AP1AR: variants seen among roughly 807,000 people sequenced by gnomAD.
The protein encoded by AP1AR is adaptor related protein complex 1 associated regulatory protein, also known as AP-1 complex-associated regulatory protein.
A neutral mutation model predicts 46.3 loss-of-function variants in AP1AR; 29 were observed. The ratio of observed to expected loss-of-function variants is 0.63; its 90% confidence interval spans 0.47 to 0.85. AP1AR has a LOEUF of 0.85. Ranked by LOEUF, AP1AR falls within the 40% of genes least tolerant of loss-of-function variation. The pLI, the probability that AP1AR is intolerant of heterozygous loss-of-function variation, is 0.00. For missense variants in AP1AR, 357 were observed against 356.3 expected (o/e 1.00, Z -0.02); for synonymous variants, 122 against 122.9 (o/e 0.99, Z 0.05).
At chr4:112,265,591 T>C in intron 7 of AP1AR, 143 bp from the exon 8 acceptor site, 7 of 572,006 alleles carry the variant, frequency 1.2e-5, no homozygotes, top group Admixed American at 3.7e-5. Context: ...TAAGAACTAT[T>C]TTCATTAGGT....
rs1726264844 is a variant in AP1AR at position 112,257,781 on chromosome 4, C to T, written c.169C>T (p.Pro57Ser). The T allele has an allele frequency of 6.4e-7, 1 of 1,562,714 alleles. No individual in the cohort carries two copies. The highest frequency in any genetic ancestry group is 8.6e-7 in the Non-Finnish European group (1 of 1,158,606). ...ATTAATTTTTGTACAGGGGGAGAGC[C>T]CAGGAAGCAGTCATAGGTAAGGCTT... ...NLVESDEGES[P>S]GSSHRPLTEE... Residue 57 changes from proline to serine, a missense_variant, in exon 4 of 10, where the codon CCA becomes TCA. Transcript: ENST00000274000.
intron 2 of AP1AR, among the ~76,000 whole-genome samples, chr4:112,253,510 C>T (rs566664918): frequency 6.6e-6 from 1 of 152,296 alleles, no homozygotes; most frequent in Admixed American, 6.5e-5. Flanking sequence ...AGAAGGTACT[C>T]TTCTGTCAGT....
chr4:112,265,702 T>C, intron 7 of AP1AR, 32 bp from the exon 8 acceptor site: 1 of 1,527,672 alleles, frequency 6.5e-7, no homozygotes, highest in East Asian at 2.3e-5. Context: ...CTACCATGAA[T>C]ATATTAAAAA....
In AP1AR at chr4:112,266,592, C is replaced by G; in HGVS notation, c.519C>G (p.Leu173=). ...SQYEVFRSSR[L]SSDATVLTPN... is the part of the protein sequence containing the mutation. The stretch of plus-strand genomic sequence containing the variant: ...TGTATTTCGTGTATATTCTAGGACT[C>G]TCATCAGATGCTACAGTTTTGACAC... The change falls in exon 9 of 10, where the codon CTC becomes CTG. Residue 173 remains leucine, a synonymous_variant. Coordinates refer to ENST00000274000, the MANE Select transcript of AP1AR (RefSeq NM_018569.6). 6.2e-7 allele frequency: 1 copy of G among 1,609,372 alleles called. No homozygotes were observed. Among genetic ancestry groups the G allele is most frequent in the Non-Finnish European group, 8.5e-7 (1 of 1,177,156 alleles).
At position 112,272,269 on chromosome 4, in the gene AP1AR, G is replaced by A. The variant is rs367718082; in HGVS notation, c.*3860G>A. ...AGGGCAGGACAGCGCCACAAAGACT[G>A]TGAGGGCTGGTGACAGGGAAGGGAA... is the stretch of plus-strand genomic sequence containing the variant. On this transcript the variant is annotated 3_prime_UTR_variant, in exon 10 of 10. Transcript: ENST00000274000. Among the ~76,000 whole-genome samples, 109 of 152,278 alleles carry A rather than the reference G, an allele frequency of 7.2e-4. No homozygotes were observed. Among genetic ancestry groups the A allele is most frequent in the African/African-American group, 2.5e-3 (104 of 41,562 alleles).
At chr4:112,237,852 C>T (rs1381652978) in intron 1 of AP1AR, among the ~76,000 whole-genome samples, 1 of 152,068 alleles carries the variant, frequency 6.6e-6, no homozygotes, top group Non-Finnish European at 1.5e-5. Context: ...CGCTCCAAGC[C>T]CCTGAAACCA....
At chr4:112,254,926 C>T in intron 3 of AP1AR, 153 bp downstream of exon 3, 2 of 404,168 alleles carry the variant, frequency 4.9e-6, no homozygotes. Context: ...TTTATTATTT[C>T]CTTCTTTTAC....
chr4:112,260,352 G>A (rs936268782), intron 4 of AP1AR, among the ~76,000 whole-genome samples: 2 of 152,138 alleles, frequency 1.3e-5, no homozygotes, highest in Non-Finnish European at 2.9e-5. Context: ...AAAATAGGAG[G>A]ATTAAGAAGA....
At chr4:112,242,492 A>G (rs1483344171) in intron 1 of AP1AR, among the ~76,000 whole-genome samples, 5 of 152,096 alleles carry the variant, frequency 3.3e-5, no homozygotes, top group Admixed American at 6.6e-5. Flanking sequence ...TGATGTCTGG[A>G]AAAGTTCAAG....
chr4:112,234,401 G>A (rs1725153983), intron 1 of AP1AR, among the ~76,000 whole-genome samples: 1 of 152,096 alleles, frequency 6.6e-6, no homozygotes, highest in South Asian at 2.1e-4. Flanking sequence ...ACTGTTTGTG[G>A]GCAAAGCTCT....
intron 1 of AP1AR, among the ~76,000 whole-genome samples, chr4:112,250,107 A>G (rs1725891729): frequency 6.6e-6 from 1 of 152,208 alleles, no homozygotes; most frequent in Non-Finnish European, 1.5e-5. Flanking sequence ...GAGTACTTCC[A>G]TTCCTTTCCC....
intron 1 of AP1AR, among the ~76,000 whole-genome samples, chr4:112,240,002 A>T (rs1434007582): frequency 6.6e-6 from 1 of 152,222 alleles, no homozygotes; most frequent in Non-Finnish European, 1.5e-5. Context: ...AATCGAAGTG[A>T]TCTTAAATGC....
rs947727807 is a variant in AP1AR, at chr4:112,271,195, G to A, written c.*2786G>A. Among the ~76,000 whole-genome samples the A allele has an allele frequency of 2.0e-5, 3 of 152,166 alleles. No homozygotes were observed. Among genetic ancestry groups the A allele is most frequent in the African/African-American group, 2.4e-5 (1 of 41,452 alleles). ...GACACAGGTCTTGGTAGAAAACATC[G>A]TGATCCTCTCTGGATCCTCCATGGC... On this transcript the variant is annotated 3_prime_UTR_variant, in exon 10 of 10. Transcript: ENST00000274000.
intron 1 of AP1AR, among the ~76,000 whole-genome samples, chr4:112,240,294 A>T (rs1725435585): frequency 6.6e-6 from 1 of 152,052 alleles, no homozygotes; most frequent in South Asian, 2.1e-4. Context: ...CATCTTGTAG[A>T]TGCCAGCTTA....
At chr4:112,262,933 A>G in intron 5 of AP1AR, 55 bp from the exon 6 acceptor site, 1 of 1,133,798 alleles carries the variant, frequency 8.8e-7, no homozygotes, top group Non-Finnish European at 1.3e-6. Flanking sequence ...TTATTTTTAG[A>G]GCAGTTAGAC....
chr4:112,263,964 A>T (rs1335772153), intron 6 of AP1AR, among the ~76,000 whole-genome samples: 1 of 152,210 alleles, frequency 6.6e-6, no homozygotes, highest in African/African-American at 2.4e-5. Flanking sequence ...TAACTGAAGT[A>T]GTATAAAGAT....
chr4:112,237,751 G>T (rs760221852), intron 1 of AP1AR, among the ~76,000 whole-genome samples: 14 of 152,166 alleles, frequency 9.2e-5, no homozygotes, highest in African/African-American at 3.4e-4. Flanking sequence ...GAGCCACTGC[G>T]CCTGGCCTCT....
chr4:112,253,161 C>G (rs1560607959), intron 1 of AP1AR, 47 bp from the exon 2 acceptor site: 1 of 1,433,202 alleles, frequency 7.0e-7, no homozygotes, highest in Non-Finnish European at 9.7e-7. Flanking sequence ...TTAATTCAAT[C>G]TTAGAGTTAA....
At chr4:112,237,301 T>C (rs1255155942) in intron 1 of AP1AR, among the ~76,000 whole-genome samples, 1 of 152,042 alleles carries the variant, frequency 6.6e-6, no homozygotes, top group Non-Finnish European at 1.5e-5. Flanking sequence ...AGAGACGGGG[T>C]TTCGCCATGT....
Sources: allele counts gnomAD v4.1 joint callset (sites outside exome capture counted in the v4.1 genomes callset), GRCh38; gene constraint gnomAD v4.1.1; transcripts MANE v1.5; gene names NCBI Gene and HGNC (gene_info 2026-07-23, HGNC 2026-07-21).